The following ELMO1 variants were observed in gnomAD, a reference collection of about 807,000 sequenced individuals.
The protein encoded by ELMO1 is engulfment and cell motility protein 1.
In ELMO1, 26 loss-of-function variants were observed where a neutral mutation model predicts 98.9. The observed-to-expected ratio is 0.26, with a 90% CI of 0.19 to 0.36. The LOEUF is 0.36. Among genes scored for constraint, ELMO1 ranks in the 10% least tolerant of loss-of-function variants. The probability of loss-of-function intolerance (pLI) is 1.00; values close to 1 mark genes in which losing one functional copy is unlikely to be tolerated. For synonymous variants in ELMO1, 346 were observed against 346.0 expected, an observed-to-expected ratio of 1.00 and a Z score of 0.00; for missense variants, 627 against 935.2, an observed-to-expected ratio of 0.67 and a Z score of 4.30.
chr7:36,920,407 C>T (rs1289542439), intron 16 of ELMO1, among the ~76,000 whole-genome samples: 1 of 152,150 alleles, frequency 6.6e-6, no homozygotes, highest in African/African-American at 2.4e-5. Context: ...TTTATGTTTC[C>T]TAATTCAGCT....
chr7:37,440,758 G>C (rs2131588707), intron 1 of ELMO1, among the ~76,000 whole-genome samples: 1 of 139,904 alleles, frequency 7.1e-6, no homozygotes, highest in East Asian at 2.2e-4. Context: ...GACAGAGTGA[G>C]ACTCCATCTC....
chr7:37,267,665 C>T (rs1481182452), intron 5 of ELMO1, among the ~76,000 whole-genome samples: 3 of 152,230 alleles, frequency 2.0e-5, no homozygotes, highest in African/African-American at 7.2e-5. Flanking sequence ...TTATCTAGGA[C>T]TGTAGATTTT....
chr7:37,076,645 A>C (rs1454573867), intron 15 of ELMO1, among the ~76,000 whole-genome samples: 1 of 152,246 alleles, frequency 6.6e-6, no homozygotes, highest in African/African-American at 2.4e-5. Flanking sequence ...CAGGGGCAGC[A>C]AAGAATCTGG....
chr7:37,313,171 CTT>C (rs955426288), intron 4 of ELMO1, among the ~76,000 whole-genome samples: 1 of 152,140 alleles, frequency 6.6e-6, no homozygotes, highest in Admixed American at 6.5e-5. Context: ...CAAAGGTAAA[CTT>C]AATATACAAG....
At chr7:37,255,158 G>A (rs1795573584) in intron 6 of ELMO1, among the ~76,000 whole-genome samples, 2 of 152,158 alleles carry the variant, frequency 1.3e-5, no homozygotes, top group African/African-American at 4.8e-5. Context: ...CAGTACCTCA[G>A]AATGGGACAG....
At chr7:37,026,601 A>T (rs547943467) in intron 15 of ELMO1, among the ~76,000 whole-genome samples, 2 of 152,214 alleles carry the variant, frequency 1.3e-5, no homozygotes, top group South Asian at 4.1e-4. Flanking sequence ...TTCTCTGTGA[A>T]TGCACCCTAA....
At chr7:37,414,467 T>C (rs916875993) in intron 1 of ELMO1, among the ~76,000 whole-genome samples, 1 of 152,234 alleles carries the variant, frequency 6.6e-6, no homozygotes, top group Non-Finnish European at 1.5e-5. Flanking sequence ...CTGGCTATGG[T>C]GGATACTTGT....
intron 4 of ELMO1, among the ~76,000 whole-genome samples, chr7:37,295,019 T>G (rs551861938): frequency 6.6e-6 from 1 of 151,656 alleles, no homozygotes; most frequent in Admixed American, 6.6e-5. Context: ...AAAAAATTCA[T>G]CTCAAAAATA....
At chr7:36,963,664 G>A (rs939582784) in intron 16 of ELMO1, among the ~76,000 whole-genome samples, 2 of 152,066 alleles carry the variant, frequency 1.3e-5, no homozygotes, top group African/African-American at 2.4e-5. Flanking sequence ...TGTCTTAATA[G>A]GAACAAAAAG....
At chr7:37,389,678 C>A (rs2723987) in intron 1 of ELMO1, among the ~76,000 whole-genome samples, 1 of 152,062 alleles carries the variant, frequency 6.6e-6, no homozygotes, top group Non-Finnish European at 1.5e-5. Flanking sequence ...AGACACAGGA[C>A]TCTCCAGACC....
chr7:37,436,215 A>T (rs1805136964), intron 1 of ELMO1, among the ~76,000 whole-genome samples: 1 of 152,210 alleles, frequency 6.6e-6, no homozygotes, highest in Admixed American at 6.5e-5. Flanking sequence ...GGGTCTTTAA[A>T]CATATATTTA....
intron 16 of ELMO1, among the ~76,000 whole-genome samples, chr7:36,915,587 G>C (rs1249563344): frequency 6.6e-6 from 1 of 152,220 alleles, no homozygotes; most frequent in Non-Finnish European, 1.5e-5. Context: ...TGAATGAATG[G>C]AGAAAGCCAA....
intron 1 of ELMO1, chr7:37,435,148 T>C (rs1254678315): frequency 6.6e-6 from 1 of 152,438 alleles, no homozygotes; most frequent in Non-Finnish European, 1.5e-5. Flanking sequence ...TTACAACTAA[T>C]TGATCTTAAC....
chr7:37,262,559 C>T (rs1796027957), intron 5 of ELMO1, among the ~76,000 whole-genome samples: 2 of 152,200 alleles, frequency 1.3e-5, no homozygotes, highest in Admixed American at 6.5e-5. Flanking sequence ...ACTATCCCCA[C>T]AGGCCTTGCT....
At chr7:37,313,031 T>C (rs1010311514) in intron 4 of ELMO1, among the ~76,000 whole-genome samples, 3 of 152,246 alleles carry the variant, frequency 2.0e-5, no homozygotes, top group Non-Finnish European at 2.9e-5. Flanking sequence ...GATTTCTATA[T>C]AACCTCTTTA....
Position 37,058,405 on chromosome 7 carries a change from G to A in ELMO1, c.1300+38214C>T, listed in dbSNP as rs577309629. 5.9e-5 allele frequency among the ~76,000 whole-genome samples: 9 copies of A among 152,182 alleles called. No homozygotes were observed. In the South Asian group the frequency reaches 1.0e-3, roughly 18 times the overall value. On this transcript the variant is annotated intron_variant, in intron 15 of 21. Transcript: ENST00000310758. ...CACTTAAAAAACCTAAAAGGCAAGA[G>A]GCCATGCACCAACCTCTCTCTCTCT...
At chr7:36,915,553 G>C (rs967242479) in intron 16 of ELMO1, among the ~76,000 whole-genome samples, 2 of 152,094 alleles carry the variant, frequency 1.3e-5, no homozygotes, top group African/African-American at 4.8e-5. Flanking sequence ...ACATCTTTTC[G>C]GCTTGAAGTA....
At chr7:37,325,381 C>T (rs1799745866) in intron 2 of ELMO1, among the ~76,000 whole-genome samples, 1 of 152,230 alleles carries the variant, frequency 6.6e-6, no homozygotes, top group African/African-American at 2.4e-5. Context: ...AACCTATCTT[C>T]TGTTTCCAGA....
In ELMO1 at chr7:37,342,868, C is replaced by T. The variant is rs548579226; in HGVS notation, c.-73-105G>A. 24 of 580,074 alleles carry T rather than the reference C, an allele frequency of 4.1e-5. No individual in the cohort carries two copies. The highest frequency in any genetic ancestry group is 1.3e-4 in the East Asian group (4 of 30,608). The allele number at this position is 580,074 out of a possible 1,614,324, so 35.9% of individuals were successfully genotyped here. A position where few individuals can be genotyped will look rare whatever the true frequency, so the allele number is the denominator to read the frequency against. On this transcript the variant is annotated intron_variant, in intron 1 of 21. Coordinates refer to ENST00000310758, the MANE Select transcript of ELMO1 (RefSeq NM_014800.11). The surrounding 1 kb of genome is among the most constrained non-coding windows in gnomAD (Gnocchi z 4.3). ...TTCACTGGTGGTTTGGTATGAAAAA[C>T]GGCTCCCCTTGGTGCCTGGGTGCTG...
Sources: allele counts gnomAD v4.1 joint callset (sites outside exome capture counted in the v4.1 genomes callset), GRCh38; gene constraint gnomAD v4.1.1; non-coding constraint Gnocchi (gnomAD v3.1); transcripts MANE v1.5; gene names NCBI Gene and HGNC (gene_info 2026-07-23, HGNC 2026-07-21).